The following SETX variants were observed in gnomAD, a reference collection of about 807,000 sequenced individuals.
The protein encoded by SETX is helicase senataxin.
In SETX, 90 loss-of-function variants were observed where a neutral mutation model predicts 227.2. The ratio of observed to expected loss-of-function variants is 0.40; its 90% CI spans 0.33 to 0.47. The LOEUF is 0.47. Ranked by LOEUF, SETX falls within the 20% of genes least tolerant of loss-of-function variation. The probability of loss-of-function intolerance (pLI) is 0.91; values close to 1 mark genes in which losing one functional copy is unlikely to be tolerated. For synonymous variants in SETX, 1,210 were observed against 1,113.2 expected, an observed-to-expected ratio of 1.09 and a Z score of -1.73; for missense variants, 3,052 against 3,181.5, an observed-to-expected ratio of 0.96 and a Z score of 0.98.
At chr9:132,346,908 TTG>T (rs1481467288) in intron 3 of SETX, among the ~76,000 whole-genome samples, 1 of 152,008 alleles carries the variant, frequency 6.6e-6, no homozygotes, top group Non-Finnish European at 1.5e-5. Flanking sequence ...TGAGCTATGA[TTG>T]TGCCACTGTA....
intron 15 of SETX, among the ~76,000 whole-genome samples, chr9:132,295,659 C>A (rs1490804322): frequency 6.6e-6 from 1 of 152,212 alleles, no homozygotes; most frequent in African/African-American, 2.4e-5. Flanking sequence ...CCGTGTGTCT[C>A]CTTGAAGACT....
At chr9:132,324,745 A>G (rs1846596020) in intron 10 of SETX, among the ~76,000 whole-genome samples, 2 of 152,126 alleles carry the variant, frequency 1.3e-5, no homozygotes, top group South Asian at 2.1e-4. Flanking sequence ...TAGGCACTCA[A>G]ATATCTATCA....
chr9:132,282,305 T>C (rs1324358444), intron 19 of SETX, among the ~76,000 whole-genome samples: 1 of 150,858 alleles, frequency 6.6e-6, no homozygotes, highest in Non-Finnish European at 1.5e-5. Flanking sequence ...ACTTATTTTT[T>C]TTTTTTTTGA....
chr9:132,316,897 CA>C (rs1367444825), intron 10 of SETX, among the ~76,000 whole-genome samples: 3 of 152,192 alleles, frequency 2.0e-5, no homozygotes, highest in Admixed American at 1.3e-4. Context: ...CTGTTCTTTT[CA>C]AAGTGACTTT....
chr9:132,307,592 T>C (rs907834049), intron 11 of SETX, among the ~76,000 whole-genome samples: 1 of 152,048 alleles, frequency 6.6e-6, no homozygotes, highest in Non-Finnish European at 1.5e-5. Flanking sequence ...AGGAGCTGAC[T>C]GAAATGGACT....
At chr9:132,305,247 G>C (rs1049722596) in intron 11 of SETX, among the ~76,000 whole-genome samples, 2 of 150,762 alleles carry the variant, frequency 1.3e-5, no homozygotes, top group African/African-American at 4.9e-5. Flanking sequence ...CCAGCAACTC[G>C]GGAGGCTGAG....
chr9:132,270,325 G>A (rs1407019560), intron 24 of SETX, among the ~76,000 whole-genome samples: 8 of 150,458 alleles, frequency 5.3e-5, no homozygotes, highest in African/African-American at 1.2e-4. Context: ...CAGCGTGCCC[G>A]TGTGAGACAC....
intron 15 of SETX, among the ~76,000 whole-genome samples, chr9:132,294,845 T>G (rs1183616425): frequency 6.6e-6 from 1 of 152,098 alleles, no homozygotes; most frequent in Non-Finnish European, 1.5e-5. Flanking sequence ...TAAGGCAGAG[T>G]AGCCATACCA....
In SETX at chr9:132,328,813, T is replaced by C. The variant is rs1847025575; in HGVS notation, c.2785A>G (p.Asn929Asp). ...TTAGAATAAATCACACTGGTACTAT[T>C]ACTCATCTCCTCATCTCTTGATTCA... ...VPESRDEEMS[N>D]STSVIYSNLT... Residue 929 changes from asparagine (N) to aspartate (D), a missense_variant, in exon 10 of 26, where the codon AAT becomes GAT. By Grantham distance (23) the Asn-to-Asp change is conservative. Coordinates refer to ENST00000224140, the MANE Select transcript of SETX (RefSeq NM_015046.7). 1.9e-6 allele frequency: 3 copies of C among 1,612,416 alleles called. No individual in the cohort carries two copies. Among genetic ancestry groups the C allele is most frequent in the African/African-American group, 1.3e-5 (1 of 74,844 alleles).
chr9:132,283,223 C>T (rs377296897), intron 19 of SETX, 41 bp downstream of exon 19: 12 of 1,612,792 alleles, frequency 7.4e-6, no homozygotes, highest in Non-Finnish European at 8.5e-6. Flanking sequence ...ACTTACTCCT[C>T]ATAGTAGTAG....
In SETX at chr9:132,326,700, G is replaced by A. The variant is rs1022473091; in HGVS notation, c.4898C>T (p.Ser1633Leu). Residue 1633 changes from serine (S) to leucine (L), a missense_variant, in exon 10 of 26, where the codon TCG (serine) becomes TTG (leucine). Physicochemically the swap from Ser to Leu is moderately radical, Grantham distance 145 (BLOSUM62 -2). Transcript: ENST00000224140. Reference protein sequence around the residue: ...SLKNKSKGIQSILKVPQPVPL... With the variant: ...SLKNKSKGIQLILKVPQPVPL... ...AACTGGCTGTGGTACTTTCAAAATC[G>A]ACTGTATCCCCTTTGACTTATTTTT... 5.6e-6 allele frequency: 9 copies of A among 1,614,132 alleles called. No individual in the cohort carries two copies. The highest frequency in any genetic ancestry group is 1.3e-5 in the African/African-American group (1 of 75,054).
At position 132,342,670 on chromosome 9, in the gene SETX, C is replaced by T. The variant is rs73659013; in HGVS notation, c.498+20G>A. The T allele has an allele frequency of 0.02, 29,201 of 1,495,156 alleles. 361 individuals are homozygous for T. Among genetic ancestry groups the T allele is most frequent in the South Asian group, 0.039 (3,484 of 88,756 alleles). The allele number at this position is 1,495,156 out of a possible 1,614,324, so 92.6% of individuals were successfully genotyped here. On this transcript the variant is annotated intron_variant, in intron 5 of 25. Transcript: ENST00000224140. ...ACAAAAGCACAATATACCCTTCTAT[C>T]GCCCAACACTCACACTCACCATTTC...
intron 10 of SETX, among the ~76,000 whole-genome samples, chr9:132,324,574 A>G (rs759316142): frequency 6.6e-6 from 1 of 152,138 alleles, no homozygotes; most frequent in Non-Finnish European, 1.5e-5. Flanking sequence ...CTGCTCATAG[A>G]GGTTATCTGA....
At chr9:132,311,890 A>T in intron 10 of SETX, 34 bp from the exon 11 acceptor site, 2 of 1,468,532 alleles carry the variant, frequency 1.4e-6, no homozygotes, top group African/African-American at 1.4e-5. Flanking sequence ...TAAGAAAGCA[A>T]CATTCTGGAA....
Position 132,328,523 on chromosome 9 carries a change from TTCATCA to T in SETX, c.3069_3074del (p.Asp1023_Asp1024del), listed in dbSNP as rs572772837. 1.5e-5 allele frequency: 25 copies of T among 1,613,840 alleles called. No individual in the cohort carries two copies. Among genetic ancestry groups the T allele is most frequent in the Middle Eastern group, 3.3e-4 (2 of 6,084 alleles). ...TGAGTTTCTCAAGACTCAGGATTCT[TTCATCA>T]TCATCATCATCAGAATCTGAAATAA... On this transcript the variant is annotated inframe_deletion, in exon 10 of 26. Transcript: ENST00000224140.
intron 11 of SETX, among the ~76,000 whole-genome samples, chr9:132,301,247 C>T (rs1031524536): frequency 6.6e-6 from 1 of 151,714 alleles, no homozygotes; most frequent in African/African-American, 2.4e-5. Context: ...CCACCACGCC[C>T]GGCTAATTTT....
chr9:132,352,090 T>C (rs1285200560), intron 2 of SETX, among the ~76,000 whole-genome samples: 2 of 152,182 alleles, frequency 1.3e-5, no homozygotes, highest in African/African-American at 4.8e-5. Context: ...GAAGTTTAGA[T>C]TCACTACCTC....
chr9:132,336,733 A>G (rs763722286), intron 5 of SETX, among the ~76,000 whole-genome samples: 43 of 152,240 alleles, frequency 2.8e-4, no homozygotes, highest in Non-Finnish European at 5.1e-4. Context: ...CTGACTGGCA[A>G]GACAACATTA....
intron 5 of SETX, among the ~76,000 whole-genome samples, chr9:132,342,126 T>C (rs1449510948): frequency 6.6e-6 from 1 of 152,148 alleles, no homozygotes; most frequent in African/African-American, 2.4e-5. Flanking sequence ...CAGTTCTAGG[T>C]GGCATTAGGC....
Sources: gnomAD v4.1 joint callset for allele counts (sites outside exome capture counted in the v4.1 genomes callset) on GRCh38, gnomAD v4.1.1 for gene constraint, MANE v1.5 for transcripts, NCBI Gene and HGNC (gene_info 2026-07-23, HGNC 2026-07-21) for gene names.